Variants in RAB3GAP1 observed in about 807,000 individuals in gnomAD.
RAB3GAP1 encodes the protein RAB3 GTPase activating protein catalytic subunit 1, also known as rab3 GTPase-activating protein catalytic subunit.
Under a neutral mutation model 130.7 loss-of-function variants are expected in RAB3GAP1, and 86 were observed. The observed-to-expected ratio is 0.66, with a 90% CI of 0.55 to 0.79. RAB3GAP1 has a LOEUF of 0.79. RAB3GAP1 is among the 30% of genes least tolerant of loss of function. The pLI is 0.00. For missense variants in RAB3GAP1, 1,029 were observed against 1,169.4 expected (o/e 0.88, Z 1.75); for synonymous variants, 367 against 401.7 (o/e 0.91, Z 1.03).
At chr2:135,057,494 A>G (rs192718795) in intron 2 of RAB3GAP1, among the ~76,000 whole-genome samples, 22 of 152,112 alleles carry the variant, frequency 1.4e-4, no homozygotes, top group Admixed American at 8.5e-4. Flanking sequence ...GTCCGCTTCT[A>G]TGTGATTTTT....
At chr2:135,123,500 A>T (rs750922777) in intron 8 of RAB3GAP1, among the ~76,000 whole-genome samples, 1 of 152,214 alleles carries the variant, frequency 6.6e-6, no homozygotes, top group Non-Finnish European at 1.5e-5. Context: ...AGGAAATCCT[A>T]GTATAGTGTG....
intron 5 of RAB3GAP1, among the ~76,000 whole-genome samples, chr2:135,105,958 G>A (rs1299300539): frequency 6.6e-6 from 1 of 151,760 alleles, no homozygotes; most frequent in Non-Finnish European, 1.5e-5. Context: ...CCGCTCGGCA[G>A]CCGCCCCGTC....
chr2:135,129,944 ATT>A (rs112212040), intron 11 of RAB3GAP1, 49 bp from the exon 12 acceptor site: 1,370 of 924,310 alleles, frequency 1.5e-3, no homozygotes, highest in African/African-American at 2.3e-3. Flanking sequence ...TATAGGACTG[ATT>A]TTTTTTTTTT....
rs982347950 is a variant in RAB3GAP1, at chr2:135,073,207, G to A, written c.150+15121G>A. Among the ~76,000 whole-genome samples the A allele has an allele frequency of 3.3e-5, 5 of 152,338 alleles. No homozygotes were observed. In the East Asian group the frequency reaches 9.6e-4, roughly 29 times the overall value. ...GGTCCCTTAAGTAATATAAAGCAGT[G>A]TGATTTTTTTCTTTTGGACAGAGAG... On this transcript the variant is annotated intron_variant, in intron 3 of 23. Transcript: ENST00000264158.
intron 3 of RAB3GAP1, among the ~76,000 whole-genome samples, chr2:135,074,769 A>G (rs2104847201): frequency 6.6e-6 from 1 of 152,368 alleles, no homozygotes; most frequent in Admixed American, 6.5e-5. Context: ...GAAAGTACGT[A>G]GATGTATTTA....
Position 135,113,248 on chromosome 2 carries a change from A to G in RAB3GAP1, c.460A>G (p.Ile154Val), listed in dbSNP as rs750345824. ...CAACCTTCTTCTGAGTTCTGTTTCT[A>G]TTGCCTTGGGAAACACTGGCTGGTG... ...KCNLLLSSVS[I>V]ALGNTGCQVP... Residue 154 changes from isoleucine to valine, a missense_variant, in exon 6 of 24, where the codon ATT becomes GTT. Physicochemically the swap from Ile to Val is conservative, Grantham distance 29. Coordinates refer to ENST00000264158, the MANE Select transcript of RAB3GAP1 (RefSeq NM_012233.3). 24 of 1,613,956 alleles carry G rather than the reference A, an allele frequency of 1.5e-5. No homozygotes were observed. Among genetic ancestry groups the G allele is most frequent in the Admixed American group, 3.3e-5 (2 of 60,002 alleles).
chr2:135,120,839 G>C lies in RAB3GAP1; in HGVS notation c.669G>C (p.Leu223Phe). Residue 223 changes from leucine to phenylalanine, a missense_variant, in exon 8 of 24, where the codon TTG (leucine) becomes TTC (phenylalanine). Physicochemically the swap from Leu to Phe is conservative, Grantham distance 22 (BLOSUM62 0). This residue lies in a region of RAB3GAP1 where 510 missense variants were observed against 532.1 expected (regional missense o/e 0.96). Transcript: ENST00000264158. ...CCTAGGGATGTCCTTTAACTCCATT[G>C]CCTCCAGTTAGTATTGCTATTCGAT... ...KSKIGCPLTP[L>F]PPVSIAIRFT... The C allele has an allele frequency of 6.2e-7, 1 of 1,611,942 alleles. No individual in the cohort carries two copies.
intron 5 of RAB3GAP1, among the ~76,000 whole-genome samples, chr2:135,102,883 C>T (rs561999638): frequency 1.2e-4 from 18 of 151,216 alleles, no homozygotes; most frequent in Admixed American, 8.6e-4. Flanking sequence ...GGCGTGGTGG[C>T]GCACACCTGT....
chr2:135,104,718 A>G (rs1015594540), intron 5 of RAB3GAP1, among the ~76,000 whole-genome samples: 4 of 151,182 alleles, frequency 2.6e-5, no homozygotes, highest in South Asian at 2.1e-4. Flanking sequence ...AAATAAATAA[A>G]TAAATAAATA....
chr2:135,132,678 T>A (rs562731561), intron 13 of RAB3GAP1, among the ~76,000 whole-genome samples: 2 of 152,300 alleles, frequency 1.3e-5, no homozygotes, highest in African/African-American at 4.8e-5. Context: ...AAAATTCTAA[T>A]TTCTAAAATT....
intron 9 of RAB3GAP1, among the ~76,000 whole-genome samples, chr2:135,125,372 C>T (rs1691319451): frequency 6.6e-6 from 1 of 152,108 alleles, no homozygotes; most frequent in Non-Finnish European, 1.5e-5. Context: ...TAGTACCACA[C>T]ACTAAATATT....
At chr2:135,147,993 C>CCT (rs10659632) in intron 17 of RAB3GAP1, among the ~76,000 whole-genome samples, 126,943 of 151,996 alleles carry the variant, frequency 0.84, 54,067 homozygotes, top group East Asian at 1. Flanking sequence ...GGCTGTGCTC[C>CCT]CTCTCATTTC....
At chr2:135,100,409 C>T (rs1039529081) in intron 5 of RAB3GAP1, among the ~76,000 whole-genome samples, 3 of 152,226 alleles carry the variant, frequency 2.0e-5, no homozygotes, top group Non-Finnish European at 4.4e-5. Context: ...CTTCTATGCT[C>T]GCTTTTGCCT....
chr2:135,078,050 G>T (rs1049727389), intron 3 of RAB3GAP1, among the ~76,000 whole-genome samples: 2 of 152,128 alleles, frequency 1.3e-5, no homozygotes, highest in African/African-American at 2.4e-5. Context: ...TAATTTTGAT[G>T]AAATTCATTT....
At chr2:135,097,108 C>A (rs1314111963) in intron 5 of RAB3GAP1, among the ~76,000 whole-genome samples, 1 of 151,510 alleles carries the variant, frequency 6.6e-6, no homozygotes, top group Non-Finnish European at 1.5e-5. Flanking sequence ...TTACTAGTAT[C>A]AAAATCAGGA....
intron 23 of RAB3GAP1, chr2:135,167,830 C>A: frequency 3.7e-6 from 3 of 821,154 alleles, no homozygotes; most frequent in South Asian, 2.6e-5. Context: ...ACCTACCTTG[C>A]TGATGTTTAG....
At chr2:135,117,582 GCTTCTTCTTCTGCTGCTTCTT>G (rs1558784406) in intron 7 of RAB3GAP1, among the ~76,000 whole-genome samples, 7 of 60,562 alleles carry the variant, frequency 1.2e-4, no homozygotes, top group Non-Finnish European at 3.4e-4. Context: ...TTCTTCTTCT[GCTTCTTCTTCTGCTGCTTCTT>G]CTGCTTCTTC....
chr2:135,087,270 T>A lies in RAB3GAP1; in HGVS notation c.151-3728T>A, dbSNP rs902191501. Among the ~76,000 whole-genome samples, 6 of 152,218 alleles carry A rather than the reference T, an allele frequency of 3.9e-5. No homozygotes were observed. In the East Asian group the frequency reaches 1.2e-3, roughly 29 times the overall value. ...GGACTCTATTTCATTGATCTGTTTG[T>A]CTGTCTTTATGCCTATACTATACTG... On this transcript the variant is annotated intron_variant, in intron 3 of 23. Transcript: ENST00000264158.
At position 135,090,649 on chromosome 2, in the gene RAB3GAP1, G is replaced by T. The variant is rs574714956; in HGVS notation, c.151-349G>T. Reference sequence around the variant, plus strand: ...TCATGCCACTTAAATTGATTGTGCAGACTGCTTCTTTATGAAGCAATTTCT... The same window carrying T: ...TCATGCCACTTAAATTGATTGTGCATACTGCTTCTTTATGAAGCAATTTCT... On this transcript the variant is annotated intron_variant, in intron 3 of 23. Transcript: ENST00000264158. 6.2e-4 allele frequency among the ~76,000 whole-genome samples: 95 copies of T among 152,278 alleles called. 1 individual carries two copies. The highest frequency in any genetic ancestry group is 1.2e-3 in the Non-Finnish European group (79 of 68,014).
Sources: gnomAD v4.1 joint callset for allele counts (sites outside exome capture counted in the v4.1 genomes callset) on GRCh38, gnomAD v4.1.1 for gene constraint, gnomAD v4.1.1 regional missense constraint, MANE v1.5 for transcripts, NCBI Gene and HGNC (gene_info 2026-07-23, HGNC 2026-07-21) for gene names.